The following USP38 variants were observed in gnomAD, a reference collection of about 807,000 sequenced individuals.
USP38 encodes the protein ubiquitin carboxyl-terminal hydrolase 38.
Under a neutral mutation model 94.3 loss-of-function variants are expected in USP38, and 49 were observed. The ratio of observed to expected loss-of-function variants is 0.52; its 90% CI spans 0.41 to 0.66. The LOEUF (loss-of-function observed/expected upper bound fraction) is 0.66. USP38 is among the 30% of genes least tolerant of loss of function. The pLI, the probability that USP38 is intolerant of heterozygous loss-of-function variation, is 0.00. For synonymous variants in USP38, 468 were observed against 463.6 expected (o/e 1.01, Z -0.12); for missense variants, 1,128 against 1,229.4 (o/e 0.92, Z 1.23).
At chr4:143,194,354 G>A (rs964695691) in intron 2 of USP38, among the ~76,000 whole-genome samples, 1 of 152,122 alleles carries the variant, frequency 6.6e-6, no homozygotes, top group African/African-American at 2.4e-5. Context: ...ATCTATGTAG[G>A]TATTTAGGGT....
At chr4:143,213,492 A>G (rs1732085200) in intron 8 of USP38, 89 bp from the exon 9 acceptor site, 8 of 1,288,022 alleles carry the variant, frequency 6.2e-6, no homozygotes, top group Non-Finnish European at 2.1e-6. Flanking sequence ...ATTTGATTAG[A>G]ATAGTTTATA....
chr4:143,193,292 A>G (rs1357254794), intron 2 of USP38, among the ~76,000 whole-genome samples: 1 of 152,002 alleles, frequency 6.6e-6, no homozygotes, highest in Non-Finnish European at 1.5e-5. Flanking sequence ...ATTCATGTAC[A>G]TCTATCTTAT....
In USP38 at chr4:143,220,392, G is replaced by A; in HGVS notation, c.3065G>A (p.Ser1022Asn). Reference protein sequence around the residue: ...NGFDDNDPPGSCGPTGGGGGG... With the variant: ...NGFDDNDPPGNCGPTGGGGGG... The stretch of plus-strand genomic sequence containing the variant: ...TTTGATGACAACGACCCACCAGGAA[G>A]CTGTGGACCAACTGGTGGAGGGGGT... Residue 1022 changes from serine to asparagine, a missense_variant, in exon 10 of 10, where the codon AGC becomes AAC. Physicochemically the swap from Ser to Asn is conservative, Grantham distance 46. Coordinates refer to ENST00000307017, the MANE Select transcript of USP38 (RefSeq NM_032557.6). 1 of 1,613,466 alleles carries A rather than the reference G, an allele frequency of 6.2e-7. No homozygotes were observed. The highest frequency in any genetic ancestry group is 2.2e-5 in the East Asian group (1 of 44,834).
chr4:143,194,135 T>C (rs552523053), intron 2 of USP38, among the ~76,000 whole-genome samples: 1 of 152,370 alleles, frequency 6.6e-6, no homozygotes, highest in South Asian at 2.1e-4. Context: ...GTTGTTGTTT[T>C]AGTAATGTAT....
In USP38 at chr4:143,214,266, ACT is replaced by A. The variant is rs769770251; in HGVS notation, c.2294_2295del (p.Leu765ProfsTer6). 3.1e-6 allele frequency: 5 copies of A among 1,613,150 alleles called. No homozygotes were observed. The highest frequency in any genetic ancestry group is 4.2e-6 in the Non-Finnish European group (5 of 1,179,722). On this transcript the variant is annotated frameshift_variant, in exon 9 of 10. Coordinates refer to ENST00000307017, the MANE Select transcript of USP38 (RefSeq NM_032557.6). LOFTEE classifies it high-confidence loss of function. Reference protein sequence around the residue: ...ITEEPEYLILTLLRFSYDQKY... With the variant: ...ITEEPEYLILXLLRFSYDQKY... ...GGAGGAACCTGAATACCTTATTCTT[ACT>A]CTCCTGAGATTTTCATATGATCAGA...
intron 4 of USP38, among the ~76,000 whole-genome samples, chr4:143,198,994 T>TA (rs1487121964): frequency 1.4e-4 from 21 of 152,156 alleles, no homozygotes; most frequent in Admixed American, 1.4e-3. Context: ...ATTTTTTTTT[T>TA]AACTTGTTAG....
intron 3 of USP38, 69 bp downstream of exon 3, chr4:143,195,914 G>A: frequency 7.1e-7 from 1 of 1,402,782 alleles, no homozygotes. Flanking sequence ...TCTTTGGGTG[G>A]TATCCTTGAA....
At position 143,185,233 on chromosome 4, in the gene USP38, T is replaced by C. The variant is rs1205930613; in HGVS notation, c.-218T>C. The C allele has an allele frequency of 1.9e-6, 1 of 530,030 alleles. No individual in the cohort carries two copies. The highest frequency in any genetic ancestry group is 3.8e-5 in the Admixed American group (1 of 26,612). 32.8% of individuals were successfully genotyped at this position (530,030 alleles called of 1,614,324 possible). A position where few individuals can be genotyped will look rare whatever the true frequency, so the allele number is the denominator to read the frequency against. On this transcript the variant is annotated 5_prime_UTR_variant, in exon 1 of 10. Transcript: ENST00000307017. ...TGGCGCCTTAGGCCAGCCGCAGGTG[T>C]CGGTTCTTAGGCTCTCCAGGCTCGC...
intron 1 of USP38, among the ~76,000 whole-genome samples, chr4:143,187,476 TTA>T (rs529403431): frequency 3.3e-4 from 50 of 152,190 alleles, no homozygotes; most frequent in Non-Finnish European, 4.3e-4. Flanking sequence ...AAATGATACT[TTA>T]TGTTTCTTTA....
intron 2 of USP38, among the ~76,000 whole-genome samples, chr4:143,189,050 G>A (rs2149603658): frequency 6.6e-6 from 1 of 152,062 alleles, no homozygotes; most frequent in Middle Eastern, 3.4e-3. Flanking sequence ...ACAAAAAGAG[G>A]GATAGGAGTA....
rs554205546 is a variant in USP38, at chr4:143,213,622, A to C, written c.1646A>C (p.His549Pro). Residue 549 changes from histidine to proline, a missense_variant, in exon 9 of 10, where the codon CAC (histidine) becomes CCC (proline). Coordinates refer to ENST00000307017, the MANE Select transcript of USP38 (RefSeq NM_032557.6). ...AAGATCTTGAAAGTTCAGGCCTCAC[A>C]CAAGCCTTCTGAAATTCTGGAATGC... ...EEKILKVQAS[H>P]KPSEILECSE... The C allele has an allele frequency of 2.4e-5, 39 of 1,613,048 alleles. No individual in the cohort carries two copies. The South Asian group carries it at 4.3e-4, about 18-fold the overall frequency.
intron 2 of USP38, among the ~76,000 whole-genome samples, chr4:143,190,201 A>T (rs1731355289): frequency 6.6e-6 from 1 of 152,096 alleles, no homozygotes; most frequent in Non-Finnish European, 1.5e-5. Context: ...AGAATTACAG[A>T]TTTTACAGCT....
At chr4:143,219,717 A>G (rs901113286) in intron 9 of USP38, among the ~76,000 whole-genome samples, 15 of 152,072 alleles carry the variant, frequency 9.9e-5, no homozygotes, top group Non-Finnish European at 2.9e-5. Flanking sequence ...ATTTATTCAT[A>G]TTTGCTCCCT....
chr4:143,207,457 G>A (rs1477770358), intron 6 of USP38, among the ~76,000 whole-genome samples: 1 of 152,170 alleles, frequency 6.6e-6, no homozygotes, highest in Non-Finnish European at 1.5e-5. Context: ...AGAATCACTT[G>A]AACCCAGGAG....
intron 6 of USP38, among the ~76,000 whole-genome samples, chr4:143,207,394 C>T (rs1731899041): frequency 6.6e-6 from 1 of 152,098 alleles, no homozygotes; most frequent in Non-Finnish European, 1.5e-5. Flanking sequence ...AAAAATTAGC[C>T]AGGCATGGTG....
At position 143,215,006 on chromosome 4, in the gene USP38, T is replaced by C; in HGVS notation, c.2967+63T>C. 3.5e-6 allele frequency: 5 copies of C among 1,426,712 alleles called. 1 individual carries two copies. In the African/African-American group the frequency reaches 7.2e-5, roughly 21 times the overall value. The allele number at this position is 1,426,712 out of a possible 1,614,324, so 88.4% of individuals were successfully genotyped here. ...TAAACAATTGACACAGTTAAATGAG[T>C]ACCCTCATTTTGAAATCTAACATGA... On this transcript the variant is annotated intron_variant, in intron 9 of 9. Transcript: ENST00000307017.
rs1378406400 is a variant in USP38, at chr4:143,185,825, C to T, written c.375C>T (p.Ser125=). The T allele has an allele frequency of 1.2e-6, 2 of 1,614,212 alleles. No individual in the cohort carries two copies. The highest frequency in any genetic ancestry group is 1.7e-6 in the Non-Finnish European group (2 of 1,180,040). The part of the protein sequence containing the change: ...MSCPSVLDLF[S]LLQVEVLRMV... ...GTCCGTCGGTGCTGGATCTCTTTAG[C>T]CTCCTGCAGGTAGAGGTGTTACGGA... The change falls in exon 1 of 10, where the codon AGC becomes AGT. Residue 125 remains serine (S), a synonymous_variant. Transcript: ENST00000307017.
rs905990603 is a variant in USP38 at position 143,221,206 on chromosome 4, G to A, written c.*750G>A. On this transcript the variant is annotated 3_prime_UTR_variant, in exon 10 of 10. Coordinates refer to ENST00000307017, the MANE Select transcript of USP38 (RefSeq NM_032557.6). ...TATCTTCTGTGGTTTTGAAGGAGGTGAGTTCTGTATGTGCCTTGCAGTACT... is the reference window on the plus strand; with the variant it reads ...TATCTTCTGTGGTTTTGAAGGAGGTAAGTTCTGTATGTGCCTTGCAGTACT... The A allele has an allele frequency of 6.6e-6, 1 of 152,474 alleles. No individual in the cohort carries two copies. The highest frequency in any genetic ancestry group is 1.5e-5 in the Non-Finnish European group (1 of 67,982). The allele number at this position is 152,474 out of a possible 1,614,324, so 9.4% of individuals were successfully genotyped here.
Position 143,185,955 on chromosome 4 carries a change from C to T in USP38, c.505C>T (p.Gln169Ter). 1.9e-6 allele frequency: 3 copies of T among 1,614,164 alleles called. No homozygotes were observed. The highest frequency in any genetic ancestry group is 2.5e-6 in the Non-Finnish European group (3 of 1,180,030). Residue 169 changes from glutamine (Q) to a stop codon, truncating the protein, a stop_gained, in exon 1 of 10, where the codon CAA (glutamine) becomes TAA (stop). Transcript: ENST00000307017. LOFTEE classifies it high-confidence loss of function. ...GGGGAAATTGTCCATCACGTTCTGT[C>T]AACAGCTGGTTCGAACGATAGGCCA... The part of the protein sequence containing the change: ...PKGKLSITFC[Q>*]QLVRTIGHFQ...
Sources: gnomAD v4.1 joint callset for allele counts (sites outside exome capture counted in the v4.1 genomes callset) on GRCh38, gnomAD v4.1.1 for gene constraint, MANE v1.5 for transcripts, NCBI Gene and HGNC (gene_info 2026-07-23, HGNC 2026-07-21) for gene names.